Variants in CCDC171 observed in about 807,000 individuals in gnomAD.
CCDC171 encodes the protein coiled-coil domain containing 171, also known as coiled-coil domain-containing protein 171.
In CCDC171, 177 loss-of-function variants were observed where a neutral mutation model predicts 168.2. The ratio of observed to expected loss-of-function variants is 1.05; its 90% confidence interval spans 0.93 to 1.19. The LOEUF (loss-of-function observed/expected upper bound fraction) is 1.19. Among genes scored for constraint, CCDC171 ranks in the 50% most tolerant of loss-of-function variants. CCDC171 has a pLI of 0.00. For synonymous variants in CCDC171, 687 were observed against 540.8 expected, an observed-to-expected ratio of 1.27 and a Z score of -3.75; for missense variants, 1,991 against 1,539.0, an observed-to-expected ratio of 1.29 and a Z score of -4.91.
At chr9:15,778,365 G>A (rs563631843) in intron 19 of CCDC171, among the ~76,000 whole-genome samples, 2 of 132,936 alleles carry the variant, frequency 1.5e-5, no homozygotes, top group Admixed American at 1.6e-4. Flanking sequence ...CTGGCCAGGC[G>A]CGGTGGCTGA....
At chr9:15,949,885 G>T (rs1446773045) in intron 25 of CCDC171, among the ~76,000 whole-genome samples, 1 of 152,110 alleles carries the variant, frequency 6.6e-6, no homozygotes, top group African/African-American at 2.4e-5. Context: ...TCTTGTGCCA[G>T]TTTTCAAATG....
chr9:15,987,441 C>T (rs1356464592), intron 3 of CCDC171, among the ~76,000 whole-genome samples: 3 of 151,138 alleles, frequency 2.0e-5, no homozygotes, highest in African/African-American at 7.3e-5. Context: ...AAAGAAAAAG[C>T]AACAATATTG....
At chr9:16,090,583 A>G in the CCDC171 span, among the ~76,000 whole-genome samples, 1 of 152,228 alleles carries the variant, frequency 6.6e-6, no homozygotes, top group Non-Finnish European at 1.5e-5. Context: ...ATGCTCTTTT[A>G]GCACAAAAGT....
chr9:15,749,210 C>T (rs1223602180), intron 18 of CCDC171, among the ~76,000 whole-genome samples: 2 of 151,084 alleles, frequency 1.3e-5, no homozygotes, highest in East Asian at 1.9e-4. Context: ...CAACAAAGAT[C>T]GAAAGAGACA....
At position 15,744,300 on chromosome 9, in the gene CCDC171, A is replaced by C. The variant is rs746452288; in HGVS notation, c.2077A>C (p.Met693Leu). 9 of 1,585,650 alleles carry C rather than the reference A, an allele frequency of 5.7e-6. No individual in the cohort carries two copies. Among genetic ancestry groups the C allele is most frequent in the South Asian group, 1.2e-5 (1 of 85,302 alleles). Residue 693 changes from methionine (M) to leucine (L), a missense_variant, in exon 17 of 26, where the codon ATG becomes CTG. Physicochemically the swap from Met to Leu is conservative, Grantham distance 15. Transcript: ENST00000380701. ...QKFQEIAEKN[M>L]EKLNHIEKSH... ...ATTTCAAGAAATTGCTGAAAAAAAC[A>C]TGGAAAAATTGAACCATATTGAGAA...
At chr9:15,575,497 A>G (rs1247951841) in intron 3 of CCDC171, among the ~76,000 whole-genome samples, 1 of 152,138 alleles carries the variant, frequency 6.6e-6, no homozygotes, top group African/African-American at 2.4e-5. Context: ...TTAGCCAAAA[A>G]ATACTGGAAA....
At chr9:15,568,216 C>T (rs2039906521) in intron 2 of CCDC171, among the ~76,000 whole-genome samples, 1 of 150,120 alleles carries the variant, frequency 6.7e-6, no homozygotes, top group Non-Finnish European at 1.5e-5. Flanking sequence ...GTATGCATGC[C>T]TTTTATTTCT....
chr9:15,669,952 TAAAAAA>T (rs34465887), intron 9 of CCDC171, among the ~76,000 whole-genome samples: 1 of 112,328 alleles, frequency 8.9e-6, no homozygotes, highest in African/African-American at 3.3e-5. Context: ...GCTGAAGTCT[TAAAAAA>T]AAAAAAAAAA....
chr9:15,705,505 C>G (rs948918183), intron 11 of CCDC171, among the ~76,000 whole-genome samples: 2 of 152,150 alleles, frequency 1.3e-5, no homozygotes, highest in African/African-American at 4.8e-5. Context: ...CCTTAGATGC[C>G]TTTGTACTGA....
intron 25 of CCDC171, among the ~76,000 whole-genome samples, chr9:15,944,283 A>C (rs562547241): frequency 1.3e-5 from 2 of 152,100 alleles, no homozygotes; most frequent in East Asian, 3.9e-4. Flanking sequence ...TCTACACTTA[A>C]TTATTGAAGC....
At chr9:15,600,992 G>C (rs750226114) in intron 6 of CCDC171, among the ~76,000 whole-genome samples, 2 of 152,184 alleles carry the variant, frequency 1.3e-5, no homozygotes, top group Non-Finnish European at 2.9e-5. Context: ...GAAAAGTGCA[G>C]TATTAGGGTG....
intron 24 of CCDC171, among the ~76,000 whole-genome samples, chr9:15,902,085 T>G (rs1325208273): frequency 6.6e-6 from 1 of 152,090 alleles, no homozygotes; most frequent in Non-Finnish European, 1.5e-5. Flanking sequence ...CTAGAAGATA[T>G]TAAACACATA....
At chr9:15,564,153 AG>A (rs1273915860) in intron 2 of CCDC171, 24 bp downstream of exon 2, 1 of 1,580,074 alleles carries the variant, frequency 6.3e-7, no homozygotes, top group South Asian at 1.1e-5. Context: ...CTCTTCTTTT[AG>A]TTGATGAACG....
intron 18 of CCDC171, among the ~76,000 whole-genome samples, chr9:15,748,713 C>T (rs2055483492): frequency 1.3e-5 from 2 of 152,142 alleles, no homozygotes. Context: ...ATTTCATATC[C>T]AGCCAAACTA....
the CCDC171 span, among the ~76,000 whole-genome samples, chr9:16,085,816 C>A: frequency 1.1e-3 from 167 of 152,266 alleles, 2 homozygotes; most frequent in African/African-American, 3.8e-3. Context: ...GTATGATTAT[C>A]ACAAATATAA....
At chr9:15,554,127 C>A (rs1586916623) in intron 1 of CCDC171, among the ~76,000 whole-genome samples, 1 of 151,706 alleles carries the variant, frequency 6.6e-6, no homozygotes, top group South Asian at 2.1e-4. Context: ...TCACGCCATT[C>A]TCCTGTCTCA....
intron 23 of CCDC171, among the ~76,000 whole-genome samples, chr9:15,872,721 A>G (rs558631505): frequency 9.9e-5 from 15 of 152,112 alleles, no homozygotes; most frequent in Admixed American, 4.6e-4. Flanking sequence ...GTGCAGTAAA[A>G]TATTTAGATC....
At chr9:15,574,717 G>A (rs1295706420) in intron 3 of CCDC171, among the ~76,000 whole-genome samples, 1 of 152,196 alleles carries the variant, frequency 6.6e-6, no homozygotes, top group African/African-American at 2.4e-5. Flanking sequence ...GGCCATATTT[G>A]CCTTATCAGG....
upstream of CCDC171, among the ~76,000 whole-genome samples, chr9:16,038,457 G>T (rs1353174297): frequency 6.6e-6 from 1 of 152,116 alleles, no homozygotes; most frequent in East Asian, 1.9e-4. Context: ...TCTGAAGATT[G>T]ATAGGTAAGT....
Sources: allele counts gnomAD v4.1 joint callset (sites outside exome capture counted in the v4.1 genomes callset), GRCh38; gene constraint gnomAD v4.1.1; transcripts MANE v1.5; gene names NCBI Gene and HGNC (gene_info 2026-07-23, HGNC 2026-07-21).